CKAP2: variants seen among roughly 807,000 people sequenced by gnomAD.
CKAP2 encodes cytoskeleton associated protein 2, also known as cytoskeleton-associated protein 2.
A neutral mutation model predicts 58.4 loss-of-function variants in CKAP2; 46 were observed. The observed-to-expected ratio is 0.79, with a 90% confidence interval of 0.62 to 1.01. CKAP2 has a LOEUF of 1.01. Among genes scored for constraint, CKAP2 ranks in the 50% least tolerant of loss-of-function variants. The pLI is 0.00. For missense variants in CKAP2, 809 were observed against 796.4 expected, an observed-to-expected ratio of 1.02 and a Z score of -0.19; for synonymous variants, 293 against 280.9, an observed-to-expected ratio of 1.04 and a Z score of -0.43.
intron 2 of CKAP2, among the ~76,000 whole-genome samples, chr13:52,459,760 C>G (rs1213590397): frequency 6.6e-6 from 1 of 152,162 alleles, no homozygotes; most frequent in African/African-American, 2.4e-5. Flanking sequence ...GTTAAAATCA[C>G]TTGCTAAGAG....
chr13:52,462,250 A>C (rs1246532755), intron 4 of CKAP2, 113 bp from the exon 5 acceptor site: 4 of 877,976 alleles, frequency 4.6e-6, no homozygotes, highest in Non-Finnish European at 1.7e-6. Context: ...CTTGTGAACT[A>C]TATATGCCAT....
chr13:52,461,196 A>T lies in CKAP2; in HGVS notation c.370A>T (p.Asn124Tyr). The T allele has an allele frequency of 1.2e-6, 2 of 1,614,040 alleles. No homozygotes were observed. The highest frequency in any genetic ancestry group is 2.7e-5 in the African/African-American group (2 of 75,050). The part of the protein sequence containing the change: ...VIDTHKPKDS[N>Y]QTPHLLLTED... ...TGACACACATAAACCTAAGGATAGT[A>T]ATCAAACTCCGCATTTGTTACTAAC... The change falls in exon 4 of 9, where the codon AAT becomes TAT. Residue 124 changes from asparagine to tyrosine, a missense_variant. Asn to Tyr is a moderately radical substitution (Grantham distance 143). Transcript: ENST00000258607.
At chr13:52,459,166 G>A (rs1211184959) in intron 2 of CKAP2, among the ~76,000 whole-genome samples, 1 of 152,080 alleles carries the variant, frequency 6.6e-6, no homozygotes, top group Non-Finnish European at 1.5e-5. Flanking sequence ...GGCACATTTT[G>A]ATCTTCCTTC....
chr13:52,458,125 A>G (rs1194775890), intron 2 of CKAP2, among the ~76,000 whole-genome samples: 1 of 152,182 alleles, frequency 6.6e-6, no homozygotes, highest in African/African-American at 2.4e-5. Context: ...TAAATCTTTT[A>G]TTTCTTTGTT....
chr13:52,456,312 C>G, intron 1 of CKAP2: 1 of 700,620 alleles, frequency 1.4e-6, no homozygotes, highest in Non-Finnish European at 2.1e-6. Flanking sequence ...GATTCTTATG[C>G]AGAGGGGTTT....
At position 52,461,467 on chromosome 13, in the gene CKAP2, C is replaced by T; in HGVS notation, c.641C>T (p.Ala214Val). ...TKKLSATIPKATKPQPVNTSS... is the reference protein window; with the variant it reads ...TKKLSATIPKVTKPQPVNTSS... The stretch of plus-strand genomic sequence containing the variant: ...AAACTTTCAGCCACTATACCTAAAG[C>T]CACAAAACCTCAGCCTGTAAACACC... The change falls in exon 4 of 9, where the codon GCC becomes GTC. Residue 214 changes from alanine to valine, a missense_variant. Physicochemically the swap from Ala to Val is moderately conservative, Grantham distance 64 (BLOSUM62 0). Transcript: ENST00000258607. The T allele has an allele frequency of 6.2e-7, 1 of 1,614,114 alleles. No individual in the cohort carries two copies. The highest frequency in any genetic ancestry group is 8.5e-7 in the Non-Finnish European group (1 of 1,180,024).
In CKAP2 at chr13:52,475,859, G is replaced by T. The variant is rs965055082; in HGVS notation, c.*718G>T. ...AGAGAAGATACTTTGTGTAAGAAAA[G>T]ATGCCACATTTAGTGGTTTAACTTT... On this transcript the variant is annotated 3_prime_UTR_variant, in exon 9 of 9. Transcript: ENST00000258607. The T allele has an allele frequency of 6.6e-6, 1 of 152,208 alleles. No homozygotes were observed. The highest frequency in any genetic ancestry group is 1.5e-5 in the Non-Finnish European group (1 of 68,028). 9.4% of individuals were successfully genotyped at this position (152,208 alleles called of 1,614,324 possible).
chr13:52,456,095 T>C (rs1051754501), intron 1 of CKAP2: 8 of 1,018,660 alleles, frequency 7.9e-6, no homozygotes, highest in Non-Finnish European at 9.4e-6. Context: ...CGAGGGTTGG[T>C]TGGGTCTTCA....
intron 1 of CKAP2, chr13:52,455,927 C>G: frequency 8.6e-7 from 1 of 1,158,632 alleles, no homozygotes; most frequent in Non-Finnish European, 1.1e-6. Flanking sequence ...TGTCGGAGAC[C>G]CTGGGTCCGC....
rs1958461997 is a variant in CKAP2 at position 52,455,563 on chromosome 13, A to G, written c.7A>G (p.Thr3Ala). The stretch of plus-strand genomic sequence containing the variant: ...CCCCCGACCCGAGGCTACGATGAGC[A>G]CACCGGCCGTGCCCCAGGACCTGCA... MS[T>A]PAVPQDLQLP... is the part of the protein sequence containing the mutation. Residue 3 changes from threonine (T) to alanine (A), a missense_variant, in exon 1 of 9, where the codon ACA (threonine) becomes GCA (alanine). Around this residue, in one of 3 missense-constraint regions of CKAP2, gnomAD observed 523 missense variants for 492.4 expected, o/e 1.06. Transcript: ENST00000258607. The G allele has an allele frequency of 6.2e-7, 1 of 1,612,634 alleles. No homozygotes were observed. The highest frequency in any genetic ancestry group is 1.3e-5 in the African/African-American group (1 of 74,888).
At chr13:52,457,724 G>C (rs1958509204) in intron 2 of CKAP2, among the ~76,000 whole-genome samples, 1 of 152,220 alleles carries the variant, frequency 6.6e-6, no homozygotes, top group East Asian at 1.9e-4. Flanking sequence ...CATGGTGGTG[G>C]GTGCTTGTAA....
chr13:52,461,803 C>T lies in CKAP2; in HGVS notation c.977C>T (p.Ala326Val), dbSNP rs779126044. The T allele has an allele frequency of 4.5e-5, 72 of 1,613,900 alleles. 1 individual carries two copies. The highest frequency in any genetic ancestry group is 3.8e-4 in the South Asian group (35 of 91,074). Residue 326 changes from alanine to valine, a missense_variant, in exon 4 of 9, where the codon GCT (alanine) becomes GTT (valine). Physicochemically the swap from Ala to Val is moderately conservative, Grantham distance 64. This residue lies in a region of CKAP2 where 523 missense variants were observed against 492.4 expected (regional missense o/e 1.06). Transcript: ENST00000258607. Reference protein sequence around the residue: ...SIASEVIARPASLSNDKLMEK... With the variant: ...SIASEVIARPVSLSNDKLMEK... ...GCATCTGAAGTTATAGCCAGGCCTGCTTCATTGTCTAATGATAAACTGATG... is the reference window on the plus strand; with the variant it reads ...GCATCTGAAGTTATAGCCAGGCCTGTTTCATTGTCTAATGATAAACTGATG...
intron 8 of CKAP2, 80 bp from the exon 9 acceptor site, chr13:52,474,815 T>C (rs1958805825): frequency 1.0e-5 from 14 of 1,352,946 alleles, no homozygotes; most frequent in Non-Finnish European, 1.3e-5. Flanking sequence ...ACAAGCTATA[T>C]AGTATGGTAC....
At chr13:52,465,540 A>G in intron 6 of CKAP2, 75 bp downstream of exon 6, 2 of 1,328,320 alleles carry the variant, frequency 1.5e-6, no homozygotes, top group Non-Finnish European at 2.1e-6. Context: ...ACACATCACA[A>G]CATAACTTGA....
In CKAP2 at chr13:52,473,864, G is replaced by A. The variant is rs1958791548; in HGVS notation, c.1582G>A (p.Glu528Lys). 1 of 1,612,178 alleles carries A rather than the reference G, an allele frequency of 6.2e-7. No homozygotes were observed. Among genetic ancestry groups the A allele is most frequent in the African/African-American group, 1.3e-5 (1 of 74,786 alleles). The change falls in exon 8 of 9, where the codon GAA becomes AAA. Residue 528 changes from glutamate (E) to lysine (K), a missense_variant. This residue lies in a region of CKAP2 where 283 missense variants were observed against 287.6 expected (regional missense o/e 0.98). Coordinates refer to ENST00000258607, the MANE Select transcript of CKAP2 (RefSeq NM_018204.5). ...GGAGAAGTCTTGTGCAAGCAAGGAAGAAGTCAAAGAAGTCAGTATTGAAGA... is the reference window on the plus strand; with the variant it reads ...GGAGAAGTCTTGTGCAAGCAAGGAAAAAGTCAAAGAAGTCAGTATTGAAGA... Reference protein sequence around the residue: ...NMEKSCASKEEVKEVSIEDTG... With the variant: ...NMEKSCASKEKVKEVSIEDTG...
chr13:52,475,651 C>T lies in CKAP2; in HGVS notation c.*510C>T. On this transcript the variant is annotated 3_prime_UTR_variant, in exon 9 of 9. Transcript: ENST00000258607. ...GAATACTAAGACACAGGAGGTTTAG[C>T]CTGCTTTCTTACCAAATTCATGTTA... is the stretch of plus-strand genomic sequence containing the variant. The T allele has an allele frequency of 6.6e-6, 1 of 152,348 alleles. No homozygotes were observed. The highest frequency in any genetic ancestry group is 1.9e-4 in the East Asian group (1 of 5,196). 9.4% of individuals were successfully genotyped at this position (152,348 alleles called of 1,614,324 possible). A position where few individuals can be genotyped will look rare whatever the true frequency, so the allele number is the denominator to read the frequency against.
intron 2 of CKAP2, among the ~76,000 whole-genome samples, chr13:52,459,521 C>A (rs886759117): frequency 6.6e-6 from 1 of 152,048 alleles, no homozygotes; most frequent in East Asian, 1.9e-4. Flanking sequence ...CAGGGTTTCG[C>A]CGTGTTGGCC....
intron 7 of CKAP2, among the ~76,000 whole-genome samples, chr13:52,473,093 C>G (rs1445104857): frequency 6.6e-6 from 1 of 151,910 alleles, no homozygotes; most frequent in Non-Finnish European, 1.5e-5. Flanking sequence ...CAGATTGGAC[C>G]CTTCCTTTCC....
Position 52,460,988 on chromosome 13 carries a change from A to C in CKAP2, c.231+14A>C, listed in dbSNP as rs1456075335. ...AAAACAAAAATGGTAAGATGTGGAC[A>C]TAGCACTCTTAAACTGTCCCCTTTT... On this transcript the variant is annotated intron_variant, in intron 3 of 8. Coordinates refer to ENST00000258607, the MANE Select transcript of CKAP2 (RefSeq NM_018204.5). The C allele has an allele frequency of 1.2e-6, 2 of 1,612,526 alleles. No individual in the cohort carries two copies. The highest frequency in any genetic ancestry group is 1.3e-5 in the African/African-American group (1 of 74,896).
Sources: gnomAD v4.1 joint callset for allele counts (sites outside exome capture counted in the v4.1 genomes callset) on GRCh38, gnomAD v4.1.1 for gene constraint, gnomAD v4.1.1 regional missense constraint, MANE v1.5 for transcripts, NCBI Gene and HGNC (gene_info 2026-07-23, HGNC 2026-07-21) for gene names.